The following ZRANB3 variants were observed in gnomAD, a reference collection of about 807,000 sequenced individuals.
ZRANB3 encodes the protein DNA annealing helicase and endonuclease ZRANB3.
ZRANB3 carries 125 observed loss-of-function variants against 133.8 expected under a neutral mutation model. The observed-to-expected ratio is 0.93, with a 90% confidence interval of 0.81 to 1.08. ZRANB3 has a LOEUF of 1.08. ZRANB3 is among the 50% of genes least tolerant of loss of function. The pLI is 0.00. For missense variants in ZRANB3, 1,229 were observed against 1,275.5 expected (o/e 0.96, Z 0.56); for synonymous variants, 387 against 432.7 (o/e 0.89, Z 1.31).
chr2:135,358,700 T>C (rs546091415), intron 3 of ZRANB3, among the ~76,000 whole-genome samples: 4 of 152,308 alleles, frequency 2.6e-5, no homozygotes, highest in South Asian at 4.1e-4. Context: ...CATGCAAGGA[T>C]TGGTCTTGCA....
intron 2 of ZRANB3, among the ~76,000 whole-genome samples, chr2:135,424,395 TAAAA>T (rs1451612713): frequency 6.6e-6 from 1 of 151,814 alleles, no homozygotes; most frequent in African/African-American, 2.4e-5. Flanking sequence ...GAAAACAAAA[TAAAA>T]AAGAATAAAC....
chr2:135,346,416 G>A (rs1684929073), intron 5 of ZRANB3, among the ~76,000 whole-genome samples: 1 of 152,080 alleles, frequency 6.6e-6, no homozygotes, highest in Non-Finnish European at 1.5e-5. Context: ...TAGCTTTTAT[G>A]AAGTTACTAA....
intron 3 of ZRANB3, among the ~76,000 whole-genome samples, chr2:135,384,471 A>G (rs890074769): frequency 2.8e-4 from 42 of 152,228 alleles, no homozygotes; most frequent in Admixed American, 1.2e-3. Flanking sequence ...AGAAAAAGAG[A>G]GAATCCTCCC....
intron 2 of ZRANB3, among the ~76,000 whole-genome samples, chr2:135,391,937 A>G (rs527702866): frequency 1.3e-4 from 20 of 152,078 alleles, no homozygotes; most frequent in African/African-American, 4.8e-4. Context: ...TTTCTTATTA[A>G]CCTGTATAAA....
intron 2 of ZRANB3, among the ~76,000 whole-genome samples, chr2:135,479,123 T>C (rs941192133): frequency 6.8e-4 from 103 of 152,054 alleles, no homozygotes; most frequent in African/African-American, 2.4e-3. Flanking sequence ...TTTTTTTTAA[T>C]GCAGTCATTC....
intron 13 of ZRANB3, chr2:135,228,244 G>A: frequency 3.1e-6 from 1 of 320,534 alleles, no homozygotes; most frequent in Non-Finnish European, 5.6e-6. Flanking sequence ...AAATGGCAGA[G>A]AAAGACAATA....
At chr2:135,462,558 C>T (rs1397511284) in intron 2 of ZRANB3, among the ~76,000 whole-genome samples, 2 of 147,352 alleles carry the variant, frequency 1.4e-5, no homozygotes, top group Non-Finnish European at 3.0e-5. Flanking sequence ...CCTTTCTTTT[C>T]CTTCCTTCCT....
intron 7 of ZRANB3, among the ~76,000 whole-genome samples, chr2:135,314,267 T>C (rs1243933293): frequency 6.6e-6 from 1 of 152,164 alleles, no homozygotes; most frequent in Non-Finnish European, 1.5e-5. Context: ...TGTAAAAAGA[T>C]GTGGTTTGAT....
intron 6 of ZRANB3, among the ~76,000 whole-genome samples, chr2:135,335,477 G>C (rs1341209919): frequency 1.3e-5 from 2 of 152,060 alleles, no homozygotes; most frequent in Non-Finnish European, 2.9e-5. Flanking sequence ...CAGATGGCTT[G>C]AGGTCTGGAG....
At chr2:135,247,847 C>A (rs892374716) in intron 12 of ZRANB3, among the ~76,000 whole-genome samples, 1 of 152,088 alleles carries the variant, frequency 6.6e-6, no homozygotes, top group Non-Finnish European at 1.5e-5. Context: ...AGAGTCCAAG[C>A]GAAAGGGAGT....
Position 135,396,952 on chromosome 2 carries a change from AAAAATTTAAAAT to A in ZRANB3, c.162-6144_162-6133del, listed in dbSNP as rs1175857066. On this transcript the variant is annotated intron_variant, in intron 2 of 20. Coordinates refer to ENST00000264159, the MANE Select transcript of ZRANB3 (RefSeq NM_032143.4). ...TCTGTACCCACAAAAACAAAAAAGA[AAAAATTTAAAAT>A]AAAATTTAAAAATATTAGCCAGGTG... is the stretch of plus-strand genomic sequence containing the variant. 9.2e-5 allele frequency among the ~76,000 whole-genome samples: 14 copies of A among 152,230 alleles called. No homozygotes were observed. In the East Asian group the frequency reaches 2.7e-3, roughly 29 times the overall value.
chr2:135,498,432 T>C (rs989796740), intron 2 of ZRANB3, among the ~76,000 whole-genome samples: 18 of 152,352 alleles, frequency 1.2e-4, no homozygotes, highest in Admixed American at 7.8e-4. Context: ...ATCAATACTC[T>C]TGTGATGCCT....
chr2:135,222,401 CAAA>C (rs1177564767), intron 15 of ZRANB3, among the ~76,000 whole-genome samples: 5 of 76,930 alleles, frequency 6.5e-5, no homozygotes, highest in Admixed American at 1.5e-4. Flanking sequence ...GACTCAGTCT[CAAA>C]AAAAAAAAAA....
At chr2:135,489,717 T>G (rs1188417779) in intron 2 of ZRANB3, among the ~76,000 whole-genome samples, 1 of 150,676 alleles carries the variant, frequency 6.6e-6, no homozygotes, top group Non-Finnish European at 1.5e-5. Flanking sequence ...AATAGGAAAG[T>G]ACACACAGGA....
intron 2 of ZRANB3, among the ~76,000 whole-genome samples, chr2:135,451,485 C>T (rs186056296): frequency 1.3e-5 from 2 of 152,050 alleles, no homozygotes; most frequent in Admixed American, 1.3e-4. Flanking sequence ...TCATTTAAAC[C>T]TGGGAGGCGG....
rs115363542 is a variant in ZRANB3 at position 135,469,728 on chromosome 2, T to C, written c.161+34601A>G. Among the ~76,000 whole-genome samples the C allele has an allele frequency of 3.1e-3, 469 of 152,234 alleles. 2 individuals are homozygous for C. Among genetic ancestry groups the C allele is most frequent in the African/African-American group, 0.01 (429 of 41,542 alleles). ...ATATAATAAATACAGTTAAGGATAT[T>C]TGGGCCGGGCACGGTGGCTCACGCC... is the stretch of plus-strand genomic sequence containing the variant. On this transcript the variant is annotated intron_variant, in intron 2 of 20. Transcript: ENST00000264159.
intron 8 of ZRANB3, among the ~76,000 whole-genome samples, chr2:135,297,265 C>T (rs1466022651): frequency 2.6e-5 from 4 of 152,230 alleles, no homozygotes; most frequent in African/African-American, 7.2e-5. Context: ...CCTACTGAAG[C>T]CTTGGCAATG....
chr2:135,239,741 C>T (rs1695467667), intron 12 of ZRANB3, among the ~76,000 whole-genome samples: 1 of 152,004 alleles, frequency 6.6e-6, no homozygotes, highest in African/African-American at 2.4e-5. Flanking sequence ...GTAATCCCAG[C>T]ACTTTGGGAA....
chr2:135,467,111 A>G (rs548318753), intron 2 of ZRANB3, among the ~76,000 whole-genome samples: 1 of 152,262 alleles, frequency 6.6e-6, no homozygotes, highest in Admixed American at 6.5e-5. Flanking sequence ...CTCTTGGTCC[A>G]ATTCCTCTTC....
Sources: allele counts gnomAD v4.1 joint callset (sites outside exome capture counted in the v4.1 genomes callset), GRCh38; gene constraint gnomAD v4.1.1; transcripts MANE v1.5; gene names NCBI Gene and HGNC (gene_info 2026-07-23, HGNC 2026-07-21).